The following ABCA9 variants were observed in gnomAD, a reference collection of about 807,000 sequenced individuals.
ABCA9 encodes ATP-binding cassette sub-family A member 9.
A neutral mutation model predicts 205.3 loss-of-function variants in ABCA9; 183 were observed. The observed-to-expected ratio is 0.89, with a 90% CI of 0.79 to 1.01. The LOEUF is 1.01. Ranked by LOEUF, ABCA9 falls within the 50% of genes least tolerant of loss-of-function variation. ABCA9 has a pLI of 0.00. For missense variants in ABCA9, 1,805 were observed against 1,912.4 expected, an observed-to-expected ratio of 0.94 and a Z score of 1.05; for synonymous variants, 651 against 683.3, an observed-to-expected ratio of 0.95 and a Z score of 0.74.
chr17:69,024,573 A>G (rs1261370607), intron 16 of ABCA9, among the ~76,000 whole-genome samples: 1 of 152,188 alleles, frequency 6.6e-6, no homozygotes, highest in Non-Finnish European at 1.5e-5. Context: ...TAGAGTGGGA[A>G]GAGGTAACTC....
rs772287753 is a variant in ABCA9, at chr17:69,021,730, A to AT, written c.2401+11dup. 9 of 1,470,334 alleles carry AT rather than the reference A, an allele frequency of 6.1e-6. No individual in the cohort carries two copies. The highest frequency in any genetic ancestry group is 8.3e-6 in the Non-Finnish European group (9 of 1,088,054). 91.1% of individuals were successfully genotyped at this position (1,470,334 alleles called of 1,614,324 possible). A position where few individuals can be genotyped will look rare whatever the true frequency, so the allele number is the denominator to read the frequency against. On this transcript the variant is annotated intron_variant, in intron 18 of 38. Coordinates refer to ENST00000340001, the MANE Select transcript of ABCA9 (RefSeq NM_080283.4). ...CTTTCTCCCTTTCTTTCTCTTTCTT[A>AT]TTTTTTCTTACCTGATTCATCAATA... is the stretch of plus-strand genomic sequence containing the variant.
chr17:69,054,121 G>A (rs1011331756), intron 1 of ABCA9, among the ~76,000 whole-genome samples: 12 of 152,138 alleles, frequency 7.9e-5, no homozygotes, highest in Admixed American at 2.0e-4. Context: ...TGAAAGAGAA[G>A]TACTTTCTCA....
intron 1 of ABCA9, among the ~76,000 whole-genome samples, chr17:69,059,515 G>C (rs1257913987): frequency 6.6e-6 from 1 of 151,890 alleles, no homozygotes; most frequent in East Asian, 1.9e-4. Context: ...AGCTACACAG[G>C]GTAAGAAAAC....
chr17:69,019,903 C>T (rs2070759172), intron 19 of ABCA9: 1 of 153,448 alleles, frequency 6.5e-6, no homozygotes, highest in South Asian at 2.0e-4. Flanking sequence ...CCAACTACAG[C>T]ATTAACTCTA....
chr17:69,051,064 G>C lies in ABCA9; in HGVS notation c.63C>G (p.Leu21=), dbSNP rs138481031. 6 of 1,613,426 alleles carry C rather than the reference G, an allele frequency of 3.7e-6. No homozygotes were observed. The African/African-American group carries it at 8.0e-5, about 22-fold the overall frequency. ...QTWALLCKNC[L]KKWRMKRQTL... is the part of the protein sequence containing the mutation. ...TCTGTCTTTTCATTCTCCATTTTTTGAGACAGTTCTTGCAGAGAAGAGCCC... is the reference window on the plus strand; with the variant it reads ...TCTGTCTTTTCATTCTCCATTTTTTCAGACAGTTCTTGCAGAGAAGAGCCC... The change falls in exon 2 of 39, where the codon CTC becomes CTG. Residue 21 remains leucine, a synonymous_variant. Transcript: ENST00000340001.
intron 25 of ABCA9, among the ~76,000 whole-genome samples, chr17:69,000,871 T>C (rs539587905): frequency 0.046 from 6,516 of 143,146 alleles, 554 homozygotes; most frequent in African/African-American, 0.18. Flanking sequence ...AGGTATTTTA[T>C]TCTCTTTGAA....
chr17:68,976,083 C>G (rs1382217779), intron 38 of ABCA9, 52 bp downstream of exon 38: 2 of 1,598,872 alleles, frequency 1.3e-6, no homozygotes, highest in African/African-American at 2.7e-5. Flanking sequence ...CAGGCGAATG[C>G]ATTATACATG....
At chr17:68,997,729 C>G (rs1309594833) in intron 25 of ABCA9, among the ~76,000 whole-genome samples, 1 of 151,868 alleles carries the variant, frequency 6.6e-6, no homozygotes, top group African/African-American at 2.4e-5. Flanking sequence ...CAGGCACAGC[C>G]TCCGCCATTA....
At chr17:69,027,147 C>T (rs764527138) in intron 14 of ABCA9, 33 bp from the exon 15 acceptor site, 2 of 1,609,054 alleles carry the variant, frequency 1.2e-6, no homozygotes, top group Non-Finnish European at 1.7e-6. Context: ...AGTAATTCCA[C>T]CCTTTCGGAT....
chr17:69,010,460 G>A (rs949323614), intron 23 of ABCA9, among the ~76,000 whole-genome samples: 1 of 152,034 alleles, frequency 6.6e-6, no homozygotes, highest in Non-Finnish European at 1.5e-5. Flanking sequence ...AGCTAGAGGA[G>A]GAGAGTACAA....
Position 69,027,408 on chromosome 17 carries a change from T to C in ABCA9, c.1833A>G (p.Gln611=). 1 of 1,613,046 alleles carries C rather than the reference T, an allele frequency of 6.2e-7. No individual in the cohort carries two copies. Among genetic ancestry groups the C allele is most frequent in the Non-Finnish European group, 8.5e-7 (1 of 1,179,444 alleles). ...VVQELEMENI[Q]DILAQNLSGG... ...CACTTAAGTTTTGAGCAAGGATGTC[T>C]TGAATATTTTCCATTTCTAATTCCT... is the stretch of plus-strand genomic sequence containing the variant. Residue 611 remains glutamine (Q), a synonymous_variant, in exon 14 of 39, where the codon CAA becomes CAG. Coordinates refer to ENST00000340001, the MANE Select transcript of ABCA9 (RefSeq NM_080283.4).
At chr17:69,029,465 G>C (rs191507940) in intron 10 of ABCA9, among the ~76,000 whole-genome samples, 1 of 152,118 alleles carries the variant, frequency 6.6e-6, no homozygotes, top group African/African-American at 2.4e-5. Flanking sequence ...AAATATGGAG[G>C]GCACAGCTTA....
chr17:69,059,223 G>A (rs2072159711), intron 1 of ABCA9, among the ~76,000 whole-genome samples: 1 of 152,094 alleles, frequency 6.6e-6, no homozygotes, highest in African/African-American at 2.4e-5. Context: ...GCAGAATAAT[G>A]GTCCCGTTCT....
chr17:69,058,753 C>T (rs1391689357), intron 1 of ABCA9, among the ~76,000 whole-genome samples: 5 of 151,720 alleles, frequency 3.3e-5, no homozygotes, highest in Admixed American at 1.3e-4. Flanking sequence ...GCAGGAGAAC[C>T]GCTTGAACCT....
At chr17:69,033,894 G>A in intron 8 of ABCA9, 21 bp from the exon 9 acceptor site, 1 of 1,545,376 alleles carries the variant, frequency 6.5e-7, no homozygotes, top group Non-Finnish European at 8.8e-7. Flanking sequence ...AAGATACAGT[G>A]AATTTTAAAA....
At chr17:69,076,716 A>G in the ABCA9 span, among the ~76,000 whole-genome samples, 1 of 151,986 alleles carries the variant, frequency 6.6e-6, no homozygotes, top group African/African-American at 2.4e-5. Flanking sequence ...TAGGGTTTCA[A>G]TTTCTTCCTG....
chr17:69,022,483 C>T (rs1271179708), intron 17 of ABCA9: 1 of 151,562 alleles, frequency 6.6e-6, no homozygotes, highest in African/African-American at 2.4e-5. Context: ...CAACACCACG[C>T]CTGGCTAATT....
chr17:69,034,609 G>A (rs927820820), intron 8 of ABCA9: 13 of 152,130 alleles, frequency 8.5e-5, no homozygotes, highest in African/African-American at 2.4e-4. Context: ...GGACATTTAC[G>A]TTGTTTTCAA....
Position 68,974,974 on chromosome 17 carries a change from G to C in ABCA9, c.*941C>G, listed in dbSNP as rs2068860588. ...ACCCATCAACCCATCATCTACATCA[G>C]GTATTTCTCCTAATGCTATCCCTCC... On this transcript the variant is annotated 3_prime_UTR_variant, in exon 39 of 39. Transcript: ENST00000340001. 6.6e-6 allele frequency: 1 copy of C among 152,096 alleles called. No individual in the cohort carries two copies. The highest frequency in any genetic ancestry group is 1.5e-5 in the Non-Finnish European group (1 of 68,030). 9.4% of individuals were successfully genotyped at this position (152,096 alleles called of 1,614,324 possible). A position where few individuals can be genotyped will look rare whatever the true frequency, so the allele number is the denominator to read the frequency against.
Sources: gnomAD v4.1 joint callset for allele counts (sites outside exome capture counted in the v4.1 genomes callset) on GRCh38, gnomAD v4.1.1 for gene constraint, MANE v1.5 for transcripts, NCBI Gene and HGNC (gene_info 2026-07-23, HGNC 2026-07-21) for gene names.